CABCOCO1: variants seen among roughly 807,000 people sequenced by gnomAD.
CABCOCO1 encodes ciliary associated calcium binding coiled-coil 1.
In CABCOCO1, 28 loss-of-function variants were observed where a neutral mutation model predicts 35.7. The observed-to-expected ratio is 0.78, with a 90% CI of 0.58 to 1.07. The LOEUF (loss-of-function observed/expected upper bound fraction) is 1.07. Among genes scored for constraint, CABCOCO1 ranks in the 50% least tolerant of loss-of-function variants. The pLI, the probability that CABCOCO1 is intolerant of heterozygous loss-of-function variation, is 0.00. For synonymous variants in CABCOCO1, 95 were observed against 100.1 expected, an observed-to-expected ratio of 0.95 and a Z score of 0.30; for missense variants, 326 against 309.2, an observed-to-expected ratio of 1.05 and a Z score of -0.41.
intron 5 of CABCOCO1, among the ~76,000 whole-genome samples, chr10:61,731,049 A>C (rs1841290480): frequency 6.6e-6 from 1 of 150,660 alleles, no homozygotes; most frequent in Non-Finnish European, 1.5e-5. Flanking sequence ...ATAATTGGCA[A>C]ATTTTATTGG....
intron 5 of CABCOCO1, among the ~76,000 whole-genome samples, chr10:61,697,112 A>G (rs1243001083): frequency 6.6e-6 from 1 of 152,142 alleles, no homozygotes; most frequent in Non-Finnish European, 1.5e-5. Context: ...CAAAATCTAT[A>G]AAGTTTTTGT....
intron 5 of CABCOCO1, among the ~76,000 whole-genome samples, chr10:61,731,998 T>C (rs907260844): frequency 2.6e-5 from 4 of 152,108 alleles, no homozygotes; most frequent in Non-Finnish European, 5.9e-5. Flanking sequence ...TCTGATTAAC[T>C]AGATTCCAGA....
chr10:61,721,954 C>T (rs1304121940), intron 5 of CABCOCO1, among the ~76,000 whole-genome samples: 3 of 152,222 alleles, frequency 2.0e-5, no homozygotes, highest in African/African-American at 2.4e-5. Flanking sequence ...GGAGCTCTGA[C>T]GTAAGGATTA....
chr10:61,742,093 C>T (rs905433731), intron 5 of CABCOCO1, among the ~76,000 whole-genome samples: 2 of 152,030 alleles, frequency 1.3e-5, no homozygotes, highest in Non-Finnish European at 2.9e-5. Flanking sequence ...AGTTTTATTT[C>T]AGAATATATA....
chr10:61,758,753 T>C (rs1289388408), intron 5 of CABCOCO1, among the ~76,000 whole-genome samples: 5 of 152,056 alleles, frequency 3.3e-5, no homozygotes. Flanking sequence ...TCTTTTTGCC[T>C]ATAAAGTTAG....
chr10:61,746,121 C>T (rs1185408774), intron 5 of CABCOCO1, among the ~76,000 whole-genome samples: 5 of 152,210 alleles, frequency 3.3e-5, no homozygotes, highest in African/African-American at 9.6e-5. Context: ...CTTAGCCCTT[C>T]ACTTTTATAT....
At chr10:61,666,929 A>ATATAAATATAATTATATATTATG (rs1839192518) in intron 1 of CABCOCO1, among the ~76,000 whole-genome samples, 12 of 125,508 alleles carry the variant, frequency 9.6e-5, no homozygotes, top group African/African-American at 2.8e-4. Flanking sequence ...CATATATTAT[A>ATATAAATATAATTATATATTATG]TATAAATATA....
rs1554819942 is a variant in CABCOCO1 at position 61,662,996 on chromosome 10, G to GGTGCCGACCCCGGCA, written c.25_26insTGCCGACCCCGGCAG (p.Trp8_Gly9insValProThrProAla). 2 of 321,776 alleles carry GGTGCCGACCCCGGCA rather than the reference G, an allele frequency of 6.2e-6. No individual in the cohort carries two copies. The highest frequency in any genetic ancestry group is 1.3e-5 in the Non-Finnish European group (2 of 150,728). The allele number at this position is 321,776 out of a possible 1,614,324, so 19.9% of individuals were successfully genotyped here. ...CGATGTCGCAGGGGACGACTCCCTG[G>GGTGCCGACCCCGGCA]GGGCCGACCCCGGCGGGAACCACGC... On this transcript the variant is annotated inframe_insertion, in exon 1 of 8. Coordinates refer to ENST00000648843, the MANE Select transcript of CABCOCO1 (RefSeq NM_001366906.2).
chr10:61,685,476 T>A (rs908890282), intron 3 of CABCOCO1: 2 of 152,154 alleles, frequency 1.3e-5, no homozygotes, highest in African/African-American at 2.4e-5. Context: ...ATTTTGAATT[T>A]TTTTTCTTTT....
At chr10:61,764,452 A>T (rs1325559424) in intron 7 of CABCOCO1, among the ~76,000 whole-genome samples, 9 of 152,254 alleles carry the variant, frequency 5.9e-5, no homozygotes, top group Admixed American at 5.9e-4. Flanking sequence ...TTCAAAAACT[A>T]AAGTTTGATA....
chr10:61,714,826 G>T (rs1252765228), intron 5 of CABCOCO1, among the ~76,000 whole-genome samples: 1 of 152,188 alleles, frequency 6.6e-6, no homozygotes, highest in African/African-American at 2.4e-5. Flanking sequence ...GCACTTTTGA[G>T]TGAGTTTCCT....
intron 2 of CABCOCO1, among the ~76,000 whole-genome samples, chr10:61,680,656 G>A (rs550490226): frequency 0.015 from 1,064 of 73,132 alleles, 47 homozygotes; most frequent in Non-Finnish European, 0.021. Flanking sequence ...TATATATTAT[G>A]TTATACATGT....
At chr10:61,761,785 C>G (rs1842015294) in intron 7 of CABCOCO1, among the ~76,000 whole-genome samples, 1 of 151,964 alleles carries the variant, frequency 6.6e-6, no homozygotes, top group Non-Finnish European at 1.5e-5. Flanking sequence ...AACATGAGAC[C>G]ATATATTAAA....
At chr10:61,724,331 G>A (rs890787710) in intron 5 of CABCOCO1, among the ~76,000 whole-genome samples, 4 of 152,040 alleles carry the variant, frequency 2.6e-5, no homozygotes, top group Non-Finnish European at 4.4e-5. Flanking sequence ...AGAGAATATT[G>A]CAAAATTATT....
intron 1 of CABCOCO1, among the ~76,000 whole-genome samples, chr10:61,666,192 C>T (rs1229372971): frequency 6.6e-6 from 1 of 152,082 alleles, no homozygotes; most frequent in Non-Finnish European, 1.5e-5. Context: ...TTGGGTCGTC[C>T]CTAAAGCCTT....
intron 5 of CABCOCO1, among the ~76,000 whole-genome samples, chr10:61,721,811 G>C (rs1284424857): frequency 6.6e-6 from 1 of 152,188 alleles, no homozygotes; most frequent in Non-Finnish European, 1.5e-5. Flanking sequence ...TGCTACGACA[G>C]ATTTTGGGTG....
chr10:61,758,276 T>C (rs1202163408), intron 5 of CABCOCO1, among the ~76,000 whole-genome samples: 3 of 152,062 alleles, frequency 2.0e-5, no homozygotes, highest in African/African-American at 7.2e-5. Flanking sequence ...ATTTTACCTA[T>C]AATGTTTCAG....
intron 5 of CABCOCO1, among the ~76,000 whole-genome samples, chr10:61,707,952 G>T (rs947778965): frequency 6.6e-6 from 1 of 151,910 alleles, no homozygotes; most frequent in Non-Finnish European, 1.5e-5. Flanking sequence ...TATGAAGTTC[G>T]ATTCTTCATC....
At chr10:61,725,384 A>T (rs1379531023) in intron 5 of CABCOCO1, among the ~76,000 whole-genome samples, 1 of 152,186 alleles carries the variant, frequency 6.6e-6, no homozygotes. Context: ...GATAGACTGG[A>T]TTAAGAAAAT....
Sources: allele counts gnomAD v4.1 joint callset (sites outside exome capture counted in the v4.1 genomes callset), GRCh38; gene constraint gnomAD v4.1.1; transcripts MANE v1.5; gene names NCBI Gene and HGNC (gene_info 2026-07-23, HGNC 2026-07-21).